The following SLC17A5 variants were observed in gnomAD, a reference collection of about 807,000 sequenced individuals.
The protein encoded by SLC17A5 is solute carrier family 17 member 5, also known as sialin.
Under a neutral mutation model 59.4 loss-of-function variants are expected in SLC17A5, and 47 were observed. The observed-to-expected ratio is 0.79, with a 90% confidence interval of 0.63 to 1.01. The LOEUF (loss-of-function observed/expected upper bound fraction) is 1.01, where lower values mean the gene tolerates loss of function less well. Among genes scored for constraint, SLC17A5 ranks in the 50% least tolerant of loss-of-function variants. The pLI is 0.00. For missense variants in SLC17A5, 522 were observed against 595.5 expected (o/e 0.88, Z 1.28); for synonymous variants, 202 against 210.7 (o/e 0.96, Z 0.36).
At chr6:73,616,765 C>T (rs1363162065) in intron 7 of SLC17A5, among the ~76,000 whole-genome samples, 2 of 152,008 alleles carry the variant, frequency 1.3e-5, no homozygotes, top group Non-Finnish European at 2.9e-5. Flanking sequence ...TGTGTCACCA[C>T]GCCCGGCTAA....
intron 1 of SLC17A5, among the ~76,000 whole-genome samples, chr6:73,651,393 T>C (rs1769854590): frequency 8.0e-6 from 1 of 124,404 alleles, no homozygotes; most frequent in South Asian, 2.6e-4. Flanking sequence ...CCGGGGAGGC[T>C]GAGGCTGCAG....
chr6:73,608,929 A>G (rs1159321634), intron 9 of SLC17A5, among the ~76,000 whole-genome samples: 2 of 152,314 alleles, frequency 1.3e-5, no homozygotes, highest in African/African-American at 4.8e-5. Flanking sequence ...CTGAGCAGGA[A>G]GGATTACTTG....
intron 2 of SLC17A5, among the ~76,000 whole-genome samples, chr6:73,642,344 C>A (rs1336887419): frequency 2.0e-5 from 3 of 151,982 alleles, no homozygotes. Context: ...AGCTATTAAG[C>A]AGAAAACTGT....
chr6:73,625,554 T>A (rs990839314), intron 6 of SLC17A5, among the ~76,000 whole-genome samples: 9 of 152,030 alleles, frequency 5.9e-5, no homozygotes, highest in African/African-American at 2.2e-4. Flanking sequence ...GAGAGAACAT[T>A]GATTCTTTTA....
At chr6:73,653,184 G>T in intron 1 of SLC17A5, 1 of 985,388 alleles carries the variant, frequency 1.0e-6, no homozygotes, top group African/African-American at 1.7e-5. Flanking sequence ...TATCAGCTGG[G>T]TTATACAATA....
At chr6:73,651,732 C>T (rs546748423) in intron 1 of SLC17A5, among the ~76,000 whole-genome samples, 1 of 151,768 alleles carries the variant, frequency 6.6e-6, no homozygotes, top group African/African-American at 2.4e-5. Context: ...TTAGTAGGGA[C>T]GGCGTTTCAG....
intron 7 of SLC17A5, chr6:73,618,579 CA>C: frequency 1.9e-6 from 1 of 516,626 alleles, no homozygotes; most frequent in Non-Finnish European, 3.7e-6. Context: ...GATGTTCCTT[CA>C]GGAGGAAGCA....
At chr6:73,598,984 C>CAA (rs1001974720) in intron 10 of SLC17A5, among the ~76,000 whole-genome samples, 1 of 135,292 alleles carries the variant, frequency 7.4e-6, no homozygotes, top group African/African-American at 2.7e-5. Flanking sequence ...AACTCCGTCT[C>CAA]AAAAAAAAAA....
intron 6 of SLC17A5, among the ~76,000 whole-genome samples, chr6:73,622,268 T>C (rs1768186892): frequency 6.6e-6 from 1 of 151,990 alleles, no homozygotes; most frequent in African/African-American, 2.4e-5. Flanking sequence ...AGAAGTCACC[T>C]GCAGCATTGA....
chr6:73,630,204 G>T (rs1768633701), intron 6 of SLC17A5, among the ~76,000 whole-genome samples: 1 of 152,124 alleles, frequency 6.6e-6, no homozygotes, highest in Admixed American at 6.5e-5. Context: ...TATTGGCCAG[G>T]CTGGTCTCAA....
intron 6 of SLC17A5, among the ~76,000 whole-genome samples, chr6:73,624,777 G>A (rs1407602616): frequency 6.6e-6 from 1 of 152,070 alleles, no homozygotes; most frequent in African/African-American, 2.4e-5. Flanking sequence ...GGAGGCTGAG[G>A]CAGGAGAATC....
At chr6:73,606,373 C>A (rs573340548) in intron 9 of SLC17A5, among the ~76,000 whole-genome samples, 2 of 152,304 alleles carry the variant, frequency 1.3e-5, no homozygotes, top group South Asian at 2.1e-4. Flanking sequence ...GTGTCTCAGT[C>A]AGCTGAGAAC....
chr6:73,595,584 G>A (rs756428772), intron 10 of SLC17A5, among the ~76,000 whole-genome samples: 6 of 152,170 alleles, frequency 3.9e-5, no homozygotes, highest in Non-Finnish European at 8.8e-5. Context: ...GGAAAAATAG[G>A]AGGAAATGGT....
chr6:73,621,112 T>C (rs2150098524), intron 7 of SLC17A5, among the ~76,000 whole-genome samples: 1 of 152,144 alleles, frequency 6.6e-6, no homozygotes, highest in East Asian at 1.9e-4. Context: ...TTCAAGCAAT[T>C]CTCCTGCCTC....
intron 10 of SLC17A5, among the ~76,000 whole-genome samples, chr6:73,596,683 C>A (rs1006882203): frequency 6.6e-6 from 1 of 151,340 alleles, no homozygotes; most frequent in Admixed American, 6.6e-5. Flanking sequence ...GGTGAAACCC[C>A]GTCTTTACTA....
rs867310300 is a variant in SLC17A5 at position 73,653,577 on chromosome 6, G to T, written c.94+216C>A. The T allele has an allele frequency of 4.5e-5, 35 of 781,102 alleles. 1 individual carries two copies. The South Asian group carries it at 2.1e-3, about 46-fold the overall frequency. 48.4% of individuals were successfully genotyped at this position (781,102 alleles called of 1,614,324 possible). A position where few individuals can be genotyped will look rare whatever the true frequency, so the allele number is the denominator to read the frequency against. ...GGCCCCGGCTCGGCTCCGCGATCAC[G>T]GTCGCGGCCCCCGGGGTTCCCGAGG... On this transcript the variant is annotated intron_variant, in intron 1 of 10. Coordinates refer to ENST00000355773, the MANE Select transcript of SLC17A5 (RefSeq NM_012434.5).
chr6:73,651,553 A>T (rs1285127022), intron 1 of SLC17A5, among the ~76,000 whole-genome samples: 2 of 146,750 alleles, frequency 1.4e-5, no homozygotes, highest in African/African-American at 5.0e-5. Flanking sequence ...TATTATTATT[A>T]TTTTTTGAGA....
At chr6:73,624,551 A>C (rs1427765873) in intron 6 of SLC17A5, among the ~76,000 whole-genome samples, 1 of 152,230 alleles carries the variant, frequency 6.6e-6, no homozygotes, top group Non-Finnish European at 1.5e-5. Flanking sequence ...TATGATATAC[A>C]TAAGTATCAT....
intron 3 of SLC17A5, 42 bp from the exon 4 acceptor site, chr6:73,638,541 A>G: frequency 6.8e-7 from 1 of 1,461,476 alleles, no homozygotes; most frequent in South Asian, 1.1e-5. Flanking sequence ...AATGTAAGGT[A>G]GTTTTGTTAA....
Sources: allele counts gnomAD v4.1 joint callset (sites outside exome capture counted in the v4.1 genomes callset), GRCh38; gene constraint gnomAD v4.1.1; transcripts MANE v1.5; gene names NCBI Gene and HGNC (gene_info 2026-07-23, HGNC 2026-07-21).